RRAS2: variants seen among roughly 807,000 people sequenced by gnomAD.
The protein encoded by RRAS2 is ras-related protein R-Ras2.
A neutral mutation model predicts 27.6 loss-of-function variants in RRAS2; 7 were observed. The observed-to-expected ratio is 0.25, with a 90% CI of 0.14 to 0.48. RRAS2 has a LOEUF of 0.48. Among genes scored for constraint, RRAS2 ranks in the 20% least tolerant of loss-of-function variants. The pLI is 0.99. For missense variants in RRAS2, 178 were observed against 256.2 expected (o/e 0.69, Z 2.08); for synonymous variants, 86 against 90.9 (o/e 0.95, Z 0.31).
chr11:14,350,756 T>C (rs559941720), intron 1 of RRAS2, among the ~76,000 whole-genome samples: 57 of 152,298 alleles, frequency 3.7e-4, no homozygotes, highest in African/African-American at 1.3e-3. Context: ...GAATTTGTCT[T>C]GGGCCACATT....
At chr11:14,348,291 AGTT>A (rs1303121237) in intron 1 of RRAS2, among the ~76,000 whole-genome samples, 1 of 152,172 alleles carries the variant, frequency 6.6e-6, no homozygotes, top group African/African-American at 2.4e-5. Flanking sequence ...CCCCCTGTAA[AGTT>A]GTTATTTTCC....
chr11:14,301,744 C>A (rs1442916119), intron 1 of RRAS2, among the ~76,000 whole-genome samples: 1 of 152,064 alleles, frequency 6.6e-6, no homozygotes, highest in Non-Finnish European at 1.5e-5. Flanking sequence ...TTTGGGAGGC[C>A]GAGGCAAGTG....
At chr11:14,321,623 A>G (rs1426257572) in intron 1 of RRAS2, among the ~76,000 whole-genome samples, 2 of 152,152 alleles carry the variant, frequency 1.3e-5, no homozygotes, top group African/African-American at 2.4e-5. Flanking sequence ...TAAAGGAAAT[A>G]CCAGATTTAG....
At position 14,336,087 on chromosome 11, in the gene RRAS2, TC is replaced by T. The variant is rs1295791886; in HGVS notation, c.108+22675del. On this transcript the variant is annotated intron_variant, in intron 1 of 5. Coordinates refer to ENST00000256196, the MANE Select transcript of RRAS2 (RefSeq NM_012250.6). ...ACCAAGTGGGGAGCTAAGACTTTCA[TC>T]CCAACTGGCCAGCATGAACCTCCTT... 7.9e-5 allele frequency among the ~76,000 whole-genome samples: 12 copies of T among 152,250 alleles called. No individual in the cohort carries two copies. The East Asian group carries it at 2.3e-3, about 29-fold the overall frequency.
rs148063717 is a variant in RRAS2 at position 14,316,490 on chromosome 11, A to G, written c.109-20635T>C. Among the ~76,000 whole-genome samples, 15 of 152,382 alleles carry G rather than the reference A, an allele frequency of 9.8e-5. No homozygotes were observed. In the East Asian group the frequency reaches 2.9e-3, roughly 29 times the overall value. ...TACAGCAATCCATGCCTATAATCCC[A>G]GAACTTGGGGAGGTTAAGGCAGGAA... On this transcript the variant is annotated intron_variant, in intron 1 of 5. Coordinates refer to ENST00000256196, the MANE Select transcript of RRAS2 (RefSeq NM_012250.6).
At chr11:14,347,759 G>A (rs1848868923) in intron 1 of RRAS2, among the ~76,000 whole-genome samples, 2 of 152,068 alleles carry the variant, frequency 1.3e-5, no homozygotes, top group African/African-American at 4.8e-5. Context: ...CGAGGGTGCA[G>A]TGACCTGTCA....
At chr11:14,350,135 CTTT>C (rs1433274995) in intron 1 of RRAS2, among the ~76,000 whole-genome samples, 2 of 152,074 alleles carry the variant, frequency 1.3e-5, no homozygotes, top group African/African-American at 4.8e-5. Flanking sequence ...ATTTCTCCTT[CTTT>C]CTTACACAAA....
At chr11:14,326,406 A>G (rs1848358286) in intron 1 of RRAS2, among the ~76,000 whole-genome samples, 1 of 152,248 alleles carries the variant, frequency 6.6e-6, no homozygotes, top group Admixed American at 6.5e-5. Context: ...TTAAATAAAA[A>G]GTTATCACAC....
intron 5 of RRAS2, among the ~76,000 whole-genome samples, chr11:14,280,040 A>G (rs1564950976): frequency 1.3e-5 from 2 of 152,214 alleles, no homozygotes; most frequent in African/African-American, 2.4e-5. Context: ...AAAACAAAGG[A>G]CAACATTTCA....
intron 1 of RRAS2, among the ~76,000 whole-genome samples, chr11:14,306,052 C>T (rs954381268): frequency 1.3e-5 from 2 of 150,188 alleles, no homozygotes; most frequent in South Asian, 2.2e-4. Context: ...CCCCCACCGC[C>T]GCCCCCACCC....
chr11:14,328,249 C>T (rs1848407001), intron 1 of RRAS2, among the ~76,000 whole-genome samples: 1 of 151,304 alleles, frequency 6.6e-6, no homozygotes, highest in Admixed American at 6.6e-5. Flanking sequence ...GCCTGTAATC[C>T]CAGCTACTCG....
intron 4 of RRAS2, among the ~76,000 whole-genome samples, chr11:14,293,869 A>C: frequency 6.6e-6 from 1 of 152,216 alleles, no homozygotes. Context: ...TTACCAAAAA[A>C]TTGTTTTAAC....
At chr11:14,287,884 A>G (rs1176038400) in intron 4 of RRAS2, among the ~76,000 whole-genome samples, 1 of 151,832 alleles carries the variant, frequency 6.6e-6, no homozygotes, top group Non-Finnish European at 1.5e-5. Flanking sequence ...AAAAAAAAAA[A>G]AAAAAAGAAG....
intron 1 of RRAS2, among the ~76,000 whole-genome samples, chr11:14,347,064 CAGG>C (rs1483584420): frequency 6.6e-6 from 1 of 152,140 alleles, no homozygotes; most frequent in Admixed American, 6.6e-5. Context: ...AGGGCTAAGA[CAGG>C]AGGAGGGTTA....
At chr11:14,317,577 T>G (rs1218678319) in intron 1 of RRAS2, among the ~76,000 whole-genome samples, 1 of 152,148 alleles carries the variant, frequency 6.6e-6, no homozygotes, top group Non-Finnish European at 1.5e-5. Context: ...CGAAACTCCA[T>G]CCCAAAATAA....
chr11:14,284,290 G>A (rs1321312584), intron 4 of RRAS2, among the ~76,000 whole-genome samples: 1 of 152,026 alleles, frequency 6.6e-6, no homozygotes, highest in Non-Finnish European at 1.5e-5. Flanking sequence ...TGACCCAAGG[G>A]TTAGTTGGAA....
Position 14,359,042 on chromosome 11 carries a change from A to G in RRAS2, c.-172T>C. On this transcript the variant is annotated 5_prime_UTR_variant, in exon 1 of 6. Transcript: ENST00000256196. ...TCAGCGCGGTAGCGCGGCGCTGGGG[A>G]CTGGCTGGGTACCGCCCGAGGCGCG... is the stretch of plus-strand genomic sequence containing the variant. 1 of 1,119,170 alleles carries G rather than the reference A, an allele frequency of 8.9e-7. No homozygotes were observed. The highest frequency in any genetic ancestry group is 1.1e-6 in the Non-Finnish European group (1 of 916,598). 69.3% of individuals were successfully genotyped at this position (1,119,170 alleles called of 1,614,324 possible). A position where few individuals can be genotyped will look rare whatever the true frequency, so the allele number is the denominator to read the frequency against.
chr11:14,330,670 T>C (rs1232496932), intron 1 of RRAS2, among the ~76,000 whole-genome samples: 1 of 152,148 alleles, frequency 6.6e-6, no homozygotes, highest in Non-Finnish European at 1.5e-5. Flanking sequence ...AATTTTTTTT[T>C]CAGATGATAT....
intron 1 of RRAS2, among the ~76,000 whole-genome samples, chr11:14,313,785 C>A (rs782050735): frequency 7.2e-5 from 11 of 152,148 alleles, no homozygotes; most frequent in Non-Finnish European, 1.3e-4. Flanking sequence ...CCAGAATCAA[C>A]CAGCACGACA....
Sources: allele counts gnomAD v4.1 joint callset (sites outside exome capture counted in the v4.1 genomes callset), GRCh38; gene constraint gnomAD v4.1.1; transcripts MANE v1.5; gene names NCBI Gene and HGNC (gene_info 2026-07-23, HGNC 2026-07-21).